Variants in SMARCAL1 observed in about 807,000 individuals in gnomAD.
SMARCAL1 encodes ATP-driven annealing helicase.
A neutral mutation model predicts 94.5 loss-of-function variants in SMARCAL1; 58 were observed. The observed-to-expected ratio is 0.61, with a 90% CI of 0.50 to 0.76. The LOEUF is 0.76. SMARCAL1 is among the 30% of genes least tolerant of loss of function. SMARCAL1 has a pLI of 0.00. For missense variants in SMARCAL1, 1,051 were observed against 1,177.9 expected, an observed-to-expected ratio of 0.89 and a Z score of 1.58; for synonymous variants, 422 against 455.1, an observed-to-expected ratio of 0.93 and a Z score of 0.93.
At chr2:216,477,376 G>C (rs1695108379) in intron 16 of SMARCAL1, among the ~76,000 whole-genome samples, 167 bp downstream of exon 16, 1 of 152,174 alleles carries the variant, frequency 6.6e-6, no homozygotes, top group Non-Finnish European at 1.5e-5. Context: ...ACCATATTTG[G>C]CCTCCCTCAC....
intron 12 of SMARCAL1, among the ~76,000 whole-genome samples, chr2:216,458,380 A>C (rs1334096771): frequency 6.6e-6 from 1 of 152,204 alleles, no homozygotes; most frequent in Non-Finnish European, 1.5e-5. Context: ...AGACACAACA[A>C]AAAAAGAATT....
intron 14 of SMARCAL1, among the ~76,000 whole-genome samples, chr2:216,474,950 T>C (rs2106085938): frequency 6.6e-6 from 1 of 152,108 alleles, no homozygotes; most frequent in South Asian, 2.1e-4. Context: ...ACACATACAG[T>C]AAAACAAGAA....
chr2:216,480,264 A>T (rs1226743490), intron 17 of SMARCAL1, among the ~76,000 whole-genome samples: 1 of 152,188 alleles, frequency 6.6e-6, no homozygotes, highest in Non-Finnish European at 1.5e-5. Flanking sequence ...CAACTACTAG[A>T]AAAAGAAAAT....
chr2:216,481,751 C>T (rs1300421525), intron 17 of SMARCAL1, among the ~76,000 whole-genome samples: 4 of 152,122 alleles, frequency 2.6e-5, no homozygotes, highest in Admixed American at 6.5e-5. Flanking sequence ...GCGATCCATC[C>T]GCCTCGGCCT....
rs1460396872 is a variant in SMARCAL1, at chr2:216,482,771, CAGA to C, written c.2662_2664del (p.Lys888del). 6 of 1,614,120 alleles carry C rather than the reference CAGA, an allele frequency of 3.7e-6. No homozygotes were observed. Among genetic ancestry groups the C allele is most frequent in the Non-Finnish European group, 5.1e-6 (6 of 1,180,000 alleles). On this transcript the variant is annotated inframe_deletion, in exon 18 of 18. Transcript: ENST00000357276. The surrounding 1 kb of genome is among the most constrained non-coding windows in gnomAD (Gnocchi z 4.3). ...GCAGCAGAAGATCTACGACCTATTC[CAGA>C]AGTCCTTTGAGAAAGAAGGAAGTGA...
At chr2:216,458,130 C>G (rs1479952186) in intron 12 of SMARCAL1, among the ~76,000 whole-genome samples, 1 of 152,104 alleles carries the variant, frequency 6.6e-6, no homozygotes, top group Non-Finnish European at 1.5e-5. Flanking sequence ...CAAGACTAAA[C>G]CAGGAAGAAG....
rs748131529 is a variant in SMARCAL1, at chr2:216,469,505, C to T, written c.2244+1459C>T. Among the ~76,000 whole-genome samples, 70 of 151,830 alleles carry T rather than the reference C, an allele frequency of 4.6e-4. 1 individual carries two copies. The highest frequency in any genetic ancestry group is 1.6e-3 in the African/African-American group (65 of 41,334). On this transcript the variant is annotated intron_variant, in intron 14 of 17. Coordinates refer to ENST00000357276, the MANE Select transcript of SMARCAL1 (RefSeq NM_014140.4). ...CACCGTGTGTTAGCCAGGATGGTCT[C>T]GATCTCCTGACCTCATGATCCGCCC...
chr2:216,449,581 C>A (rs1419868985), intron 11 of SMARCAL1, among the ~76,000 whole-genome samples: 1 of 152,136 alleles, frequency 6.6e-6, no homozygotes, highest in Non-Finnish European at 1.5e-5. Context: ...CTTTGACCAT[C>A]TCTTCCTTCT....
intron 12 of SMARCAL1, chr2:216,451,326 G>C: frequency 2.1e-6 from 1 of 484,362 alleles, no homozygotes; most frequent in Non-Finnish European, 3.8e-6. Flanking sequence ...GCAACAGCAG[G>C]GTGGTGATCA....
At chr2:216,449,268 G>T (rs746087737) in intron 11 of SMARCAL1, among the ~76,000 whole-genome samples, 5 of 152,182 alleles carry the variant, frequency 3.3e-5, no homozygotes, top group Non-Finnish European at 7.3e-5. Context: ...CTTTTCTAAT[G>T]TGTGAAATTT....
chr2:216,453,221 G>A (rs1694487511), intron 12 of SMARCAL1, among the ~76,000 whole-genome samples: 1 of 152,216 alleles, frequency 6.6e-6, no homozygotes, highest in African/African-American at 2.4e-5. Flanking sequence ...CAGCACCTGA[G>A]AGTTGCTGTC....
intron 7 of SMARCAL1, among the ~76,000 whole-genome samples, chr2:216,430,655 G>A (rs777438755): frequency 6.6e-6 from 1 of 152,150 alleles, no homozygotes; most frequent in Non-Finnish European, 1.5e-5. Flanking sequence ...TCTAGGCAGG[G>A]GAAAAAGGAG....
intron 10 of SMARCAL1, among the ~76,000 whole-genome samples, chr2:216,441,311 C>T (rs505883): frequency 0.24 from 36,820 of 152,014 alleles, 5,672 homozygotes; most frequent in African/African-American, 0.45. Context: ...CCCTGGGAAA[C>T]GTGACATTTT....
At chr2:216,451,405 A>G (rs1301154906) in intron 12 of SMARCAL1, 1 of 345,456 alleles carries the variant, frequency 2.9e-6, no homozygotes, top group Non-Finnish European at 5.6e-6. Flanking sequence ...CAGTCTAGTA[A>G]CAGTTGTTAG....
intron 14 of SMARCAL1, among the ~76,000 whole-genome samples, chr2:216,468,987 A>G (rs1284187684): frequency 6.6e-6 from 1 of 151,958 alleles, no homozygotes; most frequent in African/African-American, 2.4e-5. Context: ...TGCTTGGATT[A>G]CAGGCATGAG....
intron 8 of SMARCAL1, among the ~76,000 whole-genome samples, chr2:216,435,108 T>C (rs1035034142): frequency 1.3e-5 from 2 of 152,018 alleles, no homozygotes; most frequent in Admixed American, 1.3e-4. Flanking sequence ...TCCGCCCTCC[T>C]CAGCCTCCCA....
intron 10 of SMARCAL1, among the ~76,000 whole-genome samples, chr2:216,446,308 T>G (rs1574465146): frequency 6.6e-6 from 1 of 152,224 alleles, no homozygotes; most frequent in East Asian, 1.9e-4. Flanking sequence ...TTAGGGAAAA[T>G]GGAACCAGGT....
intron 13 of SMARCAL1, among the ~76,000 whole-genome samples, chr2:216,467,470 CAAAAAAA>C (rs34678979): frequency 2.1e-5 from 1 of 47,844 alleles, no homozygotes; most frequent in Admixed American, 2.3e-4. Context: ...AACTCAGTCT[CAAAAAAA>C]AAAAAAAAAA....
chr2:216,435,954 T>G (rs2106037770), intron 9 of SMARCAL1, among the ~76,000 whole-genome samples: 1 of 152,182 alleles, frequency 6.6e-6, no homozygotes, highest in African/African-American at 2.4e-5. Flanking sequence ...ACTCTAACTG[T>G]TTTTTGGAGG....
Sources: gnomAD v4.1 joint callset for allele counts (sites outside exome capture counted in the v4.1 genomes callset) on GRCh38, gnomAD v4.1.1 for gene constraint, Gnocchi (gnomAD v3.1) non-coding constraint, MANE v1.5 for transcripts, NCBI Gene and HGNC (gene_info 2026-07-23, HGNC 2026-07-21) for gene names.